LTBP2: variants seen among roughly 807,000 people sequenced by gnomAD.
LTBP2 encodes the protein latent transforming growth factor beta binding protein 2.
A neutral mutation model predicts 210.6 loss-of-function variants in LTBP2; 103 were observed. That is an observed-to-expected ratio of 0.49 (90% CI 0.42 to 0.58). The LOEUF (loss-of-function observed/expected upper bound fraction) is 0.58, where lower values mean the gene tolerates loss of function less well. LTBP2 is among the 20% of genes least tolerant of loss of function. The probability of loss-of-function intolerance (pLI) is 0.00; values close to 1 mark genes in which losing one functional copy is unlikely to be tolerated. For missense variants in LTBP2, 2,313 were observed against 2,494.5 expected (o/e 0.93, Z 1.55); for synonymous variants, 1,007 against 1,015.0 (o/e 0.99, Z 0.15).
intron 9 of LTBP2, among the ~76,000 whole-genome samples, chr14:74,535,667 C>A (rs2087411090): frequency 6.6e-6 from 1 of 152,170 alleles, no homozygotes; most frequent in African/African-American, 2.4e-5. Context: ...CCTAGAGCCC[C>A]TAGCCTGTGT....
At chr14:74,505,827 C>T (rs917327572) in intron 28 of LTBP2, among the ~76,000 whole-genome samples, 1 of 152,174 alleles carries the variant, frequency 6.6e-6, no homozygotes, top group African/African-American at 2.4e-5. Context: ...TCCTGAGCCT[C>T]CTCTAGGATC....
In LTBP2 at chr14:74,586,053, A is replaced by G. The variant is rs2088201333; in HGVS notation, c.631T>C (p.Ser211Pro). ...CSRPQLCVCR[S>P]GFRGARCEEV... Reference sequence around the variant, plus strand: ...TCGCAGCGGGCTCCACGGAAACCAGAGCGGCAGACACAGAGCTGCGGGCGG... The same window carrying G: ...TCGCAGCGGGCTCCACGGAAACCAGGGCGGCAGACACAGAGCTGCGGGCGG... Residue 211 changes from serine (S) to proline (P), a missense_variant, in exon 3 of 36, where the codon TCT (serine) becomes CCT (proline). Coordinates refer to ENST00000261978, the MANE Select transcript of LTBP2 (RefSeq NM_000428.3). This position sits in a 1 kb window ranked among gnomAD's most constrained non-coding sequence, Gnocchi z 4.6. The G allele has an allele frequency of 1.2e-6, 2 of 1,602,122 alleles. No homozygotes were observed.
Position 74,567,466 on chromosome 14 carries a change from C to T in LTBP2, c.831-11773G>A, listed in dbSNP as rs546770257. ...ACCCGGGCCACCTCAGGGGCAGAGGCGGGGTGGGGGTGGCCCTGAGAGGTT... is the reference window on the plus strand; with the variant it reads ...ACCCGGGCCACCTCAGGGGCAGAGGTGGGGTGGGGGTGGCCCTGAGAGGTT... On this transcript the variant is annotated intron_variant, in intron 3 of 35. Coordinates refer to ENST00000261978, the MANE Select transcript of LTBP2 (RefSeq NM_000428.3). 3.9e-5 allele frequency among the ~76,000 whole-genome samples: 6 copies of T among 152,238 alleles called. No homozygotes were observed. The East Asian group carries it at 5.8e-4, about 15-fold the overall frequency.
rs2087415348 is a variant in LTBP2 at position 74,535,925 on chromosome 14, C to T, written c.1864+1G>A. ...CCCAGCCCTGGCCCTGGGGGTCCTA[C>T]CTTGGCAGTGAGTGAGGTTCAGTCT... On this transcript the variant is annotated splice_donor_variant, in intron 9 of 35. Coordinates refer to ENST00000261978, the MANE Select transcript of LTBP2 (RefSeq NM_000428.3). LOFTEE classifies it high-confidence loss of function. 3 of 1,614,098 alleles carry T rather than the reference C, an allele frequency of 1.9e-6. No homozygotes were observed. Among genetic ancestry groups the T allele is most frequent in the Non-Finnish European group, 2.5e-6 (3 of 1,179,948 alleles).
At chr14:74,579,730 G>C (rs550762638) in intron 3 of LTBP2, among the ~76,000 whole-genome samples, 2 of 152,360 alleles carry the variant, frequency 1.3e-5, no homozygotes, top group South Asian at 4.1e-4. Context: ...AGAGAGATTA[G>C]TGCAGGCAGA....
rs761500203 is a variant in LTBP2 at position 74,509,280 on chromosome 14, C to A, written c.3361G>T (p.Asp1121Tyr). ...AGGGGGCTGGGCCGGTAGCCCCCAT[C>A]GCAGTCCTTGCAGGAGAAGGAGCCA... is the stretch of plus-strand genomic sequence containing the variant. The part of the protein sequence containing the change: ...TAGSFSCKDC[D>Y]GGYRPSPLGD... The change falls in exon 22 of 36, where the codon GAT becomes TAT. Residue 1121 changes from aspartate (D) to tyrosine (Y), a missense_variant. Physicochemically the swap from Asp to Tyr is radical, Grantham distance 160. Transcript: ENST00000261978. 6.2e-7 allele frequency: 1 copy of A among 1,613,662 alleles called. No homozygotes were observed. The highest frequency in any genetic ancestry group is 2.2e-5 in the East Asian group (1 of 44,884).
intron 18 of LTBP2, among the ~76,000 whole-genome samples, chr14:74,516,557 T>G (rs2087137590): frequency 6.6e-6 from 1 of 151,998 alleles, no homozygotes; most frequent in Non-Finnish European, 1.5e-5. Context: ...AGGGCGGAGG[T>G]TACAGAGGAG....
intron 2 of LTBP2, among the ~76,000 whole-genome samples, chr14:74,588,551 C>T (rs2088240152): frequency 6.6e-6 from 1 of 152,138 alleles, no homozygotes; most frequent in African/African-American, 2.4e-5. Flanking sequence ...GCATGTGTCT[C>T]AATTTCCTGA....
intron 6 of LTBP2, 67 bp from the exon 7 acceptor site, chr14:74,551,417 G>A: frequency 6.9e-7 from 1 of 1,440,934 alleles, no homozygotes; most frequent in East Asian, 2.4e-5. Context: ...ACCCTCTGAA[G>A]GGTATCCACC....
intron 17 of LTBP2, among the ~76,000 whole-genome samples, chr14:74,518,868 T>C (rs1195925656): frequency 6.6e-6 from 1 of 152,076 alleles, no homozygotes; most frequent in Non-Finnish European, 1.5e-5. Flanking sequence ...TGTGAGAAGC[T>C]CTAACCCCAA....
At chr14:74,516,661 G>A (rs536140859) in intron 18 of LTBP2, among the ~76,000 whole-genome samples, 161 bp downstream of exon 18, 29 of 152,258 alleles carry the variant, frequency 1.9e-4, no homozygotes, top group African/African-American at 7.0e-4. Flanking sequence ...GGATGGAAGG[G>A]CTCAGGAATT....
rs1357085764 is a variant in LTBP2, at chr14:74,528,579, G to T, written c.2272C>A (p.Gln758Lys). ...ELARPPREQG[Q>K]RSSGALPGPA... Reference sequence around the variant, plus strand: ...CCGGGCAGTGCCCCGCTGCTCCTCTGCCCTTGCTCCCTTGGGGGCCTTGCC... The same window carrying T: ...CCGGGCAGTGCCCCGCTGCTCCTCTTCCCTTGCTCCCTTGGGGGCCTTGCC... Residue 758 changes from glutamine (Q) to lysine (K), a missense_variant, in exon 12 of 36, where the codon CAG (glutamine) becomes AAG (lysine). Gln to Lys is a moderately conservative substitution (Grantham distance 53, BLOSUM62 1). Around this residue, in one of 3 missense-constraint regions of LTBP2, gnomAD observed 1,867 missense variants for 1,976.9 expected, o/e 0.94. Transcript: ENST00000261978. 1.9e-6 allele frequency: 3 copies of T among 1,613,482 alleles called. No individual in the cohort carries two copies. Among genetic ancestry groups the T allele is most frequent in the South Asian group, 2.2e-5 (2 of 91,074 alleles).
chr14:74,553,656 C>T (rs866116504), intron 4 of LTBP2, among the ~76,000 whole-genome samples: 13 of 152,148 alleles, frequency 8.5e-5, no homozygotes, highest in South Asian at 2.1e-4. Context: ...AGCAAGACAT[C>T]ATGCTGGCTT....
chr14:74,522,641 G>A (rs1595251261), intron 16 of LTBP2, 149 bp downstream of exon 16: 5 of 934,912 alleles, frequency 5.3e-6, no homozygotes, highest in Admixed American at 3.0e-5. Flanking sequence ...AGTTAGCTTA[G>A]TCCACAGGGA....
At position 74,611,911 on chromosome 14, in the gene LTBP2, G is replaced by A; in HGVS notation, c.34C>T (p.Arg12Cys). Residue 12 changes from arginine (R) to cysteine (C), a missense_variant, in exon 1 of 36, where the codon CGC becomes TGC. Around this residue, in one of 3 missense-constraint regions of LTBP2, gnomAD observed 1,867 missense variants for 1,976.9 expected, o/e 0.94. Transcript: ENST00000261978. Reference sequence around the variant, plus strand: ...CCTCTCCAGGGGTTCCGCAGGGCGCGCCCCGGGCTGCGGGCTTTGGTCCGC... The same window carrying A: ...CCTCTCCAGGGGTTCCGCAGGGCGCACCCCGGGCTGCGGGCTTTGGTCCGC... ...RPRTKARSPG[R>C]ALRNPWRGFL... 2.5e-6 allele frequency: 4 copies of A among 1,593,180 alleles called. No individual in the cohort carries two copies. Among genetic ancestry groups the A allele is most frequent in the Non-Finnish European group, 3.4e-6 (4 of 1,173,272 alleles).
chr14:74,551,467 A>G (rs1595270239), intron 6 of LTBP2, 117 bp from the exon 7 acceptor site: 2 of 990,152 alleles, frequency 2.0e-6, no homozygotes, highest in Admixed American at 2.9e-5. Context: ...GTGTCACCCC[A>G]AAACTCTCCT....
chr14:74,508,809 A>G, intron 23 of LTBP2, 21 bp downstream of exon 23: 1 of 1,613,454 alleles, frequency 6.2e-7, no homozygotes, highest in Non-Finnish European at 8.5e-7. Flanking sequence ...CACCCCCAGT[A>G]GGGTGACCTG....
chr14:74,516,984 A>G, intron 17 of LTBP2, 43 bp from the exon 18 acceptor site: 1 of 1,546,790 alleles, frequency 6.5e-7, no homozygotes, highest in Non-Finnish European at 8.7e-7. Flanking sequence ...CCAGCCCTGG[A>G]GGATGGTGGA....
chr14:74,505,224 G>T (rs761168023), intron 28 of LTBP2, 50 bp from the exon 29 acceptor site: 1 of 1,582,576 alleles, frequency 6.3e-7, no homozygotes, highest in South Asian at 1.1e-5. Flanking sequence ...CTCTAAGGGG[G>T]GTCAATAGTC....
Sources: gnomAD v4.1 joint callset for allele counts (sites outside exome capture counted in the v4.1 genomes callset) on GRCh38, gnomAD v4.1.1 for gene constraint, gnomAD v4.1.1 regional missense constraint, Gnocchi (gnomAD v3.1) non-coding constraint, MANE v1.5 for transcripts, NCBI Gene and HGNC (gene_info 2026-07-23, HGNC 2026-07-21) for gene names.